The following TMTC2 variants were observed in gnomAD, a reference collection of about 807,000 sequenced individuals.
TMTC2 encodes the protein transmembrane O-mannosyltransferase targeting cadherins 2.
A neutral mutation model predicts 82.4 loss-of-function variants in TMTC2; 43 were observed. That is an observed-to-expected ratio of 0.52 (90% CI 0.41 to 0.67). The LOEUF is 0.67. Among genes scored for constraint, TMTC2 ranks in the 30% least tolerant of loss-of-function variants. The pLI, the probability that TMTC2 is intolerant of heterozygous loss-of-function variation, is 0.00. For synonymous variants in TMTC2, 408 were observed against 381.9 expected, an observed-to-expected ratio of 1.07 and a Z score of -0.80; for missense variants, 919 against 1,012.4, an observed-to-expected ratio of 0.91 and a Z score of 1.25.
At chr12:82,826,706 A>G (rs182743993) in intron 1 of TMTC2, among the ~76,000 whole-genome samples, 412 of 152,240 alleles carry the variant, frequency 2.7e-3, no homozygotes, top group Middle Eastern at 0.014. Flanking sequence ...TGTTGAATGT[A>G]TGTGGTCTCC....
chr12:83,010,746 T>C (rs1357984234), intron 8 of TMTC2, among the ~76,000 whole-genome samples: 1 of 152,198 alleles, frequency 6.6e-6, no homozygotes, highest in Non-Finnish European at 1.5e-5. Flanking sequence ...CCGATATTCG[T>C]GAGATATGCC....
intron 1 of TMTC2, among the ~76,000 whole-genome samples, chr12:82,830,775 A>T (rs1454008576): frequency 6.6e-6 from 1 of 152,220 alleles, no homozygotes; most frequent in Non-Finnish European, 1.5e-5. Flanking sequence ...AGTTACATAA[A>T]TATAGATAAA....
intron 11 of TMTC2, among the ~76,000 whole-genome samples, chr12:83,084,325 T>C (rs1328876515): frequency 6.6e-6 from 1 of 152,200 alleles, no homozygotes; most frequent in African/African-American, 2.4e-5. Flanking sequence ...TTGCTTGGCC[T>C]AATGGCATAC....
intron 1 of TMTC2, among the ~76,000 whole-genome samples, chr12:82,799,726 T>C (rs1468767947): frequency 6.6e-6 from 1 of 152,166 alleles, no homozygotes; most frequent in Non-Finnish European, 1.5e-5. Context: ...TGTGTCTGTG[T>C]CCACATTTCC....
intron 11 of TMTC2, among the ~76,000 whole-genome samples, chr12:83,087,821 T>C (rs1446312028): frequency 6.6e-6 from 1 of 152,200 alleles, no homozygotes; most frequent in Non-Finnish European, 1.5e-5. Context: ...GGAGATTTAG[T>C]GTAATTTGTA....
At chr12:83,096,237 T>C (rs1044916630) in intron 11 of TMTC2, among the ~76,000 whole-genome samples, 21 of 152,382 alleles carry the variant, frequency 1.4e-4, no homozygotes, top group African/African-American at 4.8e-4. Flanking sequence ...GTGAGAAATA[T>C]GAAGCTACCA....
At chr12:82,845,651 T>G (rs1321613695) in intron 1 of TMTC2, among the ~76,000 whole-genome samples, 1 of 152,060 alleles carries the variant, frequency 6.6e-6, no homozygotes, top group Non-Finnish European at 1.5e-5. Flanking sequence ...CTGATATGGA[T>G]ATAGTGACCA....
At chr12:82,859,831 G>T (rs550652667) in intron 2 of TMTC2, among the ~76,000 whole-genome samples, 2 of 152,304 alleles carry the variant, frequency 1.3e-5, no homozygotes, top group African/African-American at 4.8e-5. Flanking sequence ...CTAGGCAATG[G>T]CAGCAGCAAG....
intron 1 of TMTC2, 97 bp downstream of exon 1, chr12:82,687,766 G>A (rs1223005950): frequency 2.5e-5 from 30 of 1,219,600 alleles, no homozygotes; most frequent in Non-Finnish European, 3.4e-5. Flanking sequence ...CGTCTTGGAG[G>A]AACTGGTTCA....
At chr12:82,870,354 A>ATTT in intron 2 of TMTC2, among the ~76,000 whole-genome samples, 1 of 152,182 alleles carries the variant, frequency 6.6e-6, no homozygotes, top group Non-Finnish European at 1.5e-5. Flanking sequence ...AAATAACACA[A>ATTT]GCTTAACGCA....
chr12:82,822,481 A>T (rs1869171017), intron 1 of TMTC2, among the ~76,000 whole-genome samples: 1 of 152,186 alleles, frequency 6.6e-6, no homozygotes. Context: ...GTTATATTTT[A>T]AAAAGAATAC....
chr12:82,969,354 C>T (rs889601656), intron 7 of TMTC2, among the ~76,000 whole-genome samples: 5 of 152,174 alleles, frequency 3.3e-5, no homozygotes, highest in African/African-American at 1.2e-4. Flanking sequence ...TACCCCTTCA[C>T]AACCACTACC....
chr12:82,849,385 A>C (rs918275959), intron 1 of TMTC2, among the ~76,000 whole-genome samples: 2 of 152,128 alleles, frequency 1.3e-5, no homozygotes, highest in African/African-American at 4.8e-5. Context: ...AAAATAAAGC[A>C]GGCCTGAATG....
At chr12:82,891,555 G>T (rs1209180551) in intron 2 of TMTC2, among the ~76,000 whole-genome samples, 4 of 152,110 alleles carry the variant, frequency 2.6e-5, no homozygotes, top group Non-Finnish European at 2.9e-5. Flanking sequence ...TGACCCGCCT[G>T]CCTCAGCCTC....
At chr12:82,845,226 C>CA (rs66859423) in intron 1 of TMTC2, among the ~76,000 whole-genome samples, 1,382 of 45,566 alleles carry the variant, frequency 0.03, 275 homozygotes, top group Non-Finnish European at 0.033. Context: ...GTGACTGTCT[C>CA]AAAAAAAAAA....
intron 1 of TMTC2, among the ~76,000 whole-genome samples, chr12:82,788,193 T>C (rs2137018680): frequency 6.6e-6 from 1 of 152,236 alleles, no homozygotes; most frequent in Admixed American, 6.5e-5. Context: ...ATGTATTATT[T>C]TGGCAACATC....
chr12:82,736,342 A>G (rs987843512), intron 1 of TMTC2, among the ~76,000 whole-genome samples: 1 of 152,194 alleles, frequency 6.6e-6, no homozygotes, highest in African/African-American at 2.4e-5. Context: ...TCCTATATTT[A>G]AAGTACAGAA....
chr12:82,709,732 GTATGT>G (rs1873536439), intron 1 of TMTC2, among the ~76,000 whole-genome samples: 1 of 152,184 alleles, frequency 6.6e-6, no homozygotes, highest in Non-Finnish European at 1.5e-5. Flanking sequence ...TATATCCAAT[GTATGT>G]TATAATACTT....
At chr12:82,899,555 A>G (rs1368006692) in intron 3 of TMTC2, among the ~76,000 whole-genome samples, 2 of 133,374 alleles carry the variant, frequency 1.5e-5, no homozygotes, top group Non-Finnish European at 3.0e-5. Flanking sequence ...TATATATATA[A>G]GAATATATAT....
Sources: allele counts gnomAD v4.1 joint callset (sites outside exome capture counted in the v4.1 genomes callset), GRCh38; gene constraint gnomAD v4.1.1; transcripts MANE v1.5; gene names NCBI Gene and HGNC (gene_info 2026-07-23, HGNC 2026-07-21).